USP49: variants seen among roughly 807,000 people sequenced by gnomAD.
USP49 encodes the protein ubiquitin specific peptidase 49.
A neutral mutation model predicts 58.6 loss-of-function variants in USP49; 24 were observed. The ratio of observed to expected loss-of-function variants is 0.41; its 90% CI spans 0.30 to 0.58. The LOEUF (loss-of-function observed/expected upper bound fraction) is 0.58. USP49 is among the 20% of genes least tolerant of loss of function. The probability of loss-of-function intolerance (pLI) is 0.30; values close to 1 mark genes in which losing one functional copy is unlikely to be tolerated. For missense variants in USP49, 703 were observed against 866.1 expected, an observed-to-expected ratio of 0.81 and a Z score of 2.36; for synonymous variants, 408 against 365.1, an observed-to-expected ratio of 1.12 and a Z score of -1.34.
At chr6:41,872,321 A>C (rs574170544) in intron 2 of USP49, among the ~76,000 whole-genome samples, 28 of 152,358 alleles carry the variant, frequency 1.8e-4, no homozygotes, top group Non-Finnish European at 1.9e-4. Context: ...CTAACAGCTA[A>C]CACAGAGTTC....
chr6:41,861,426 G>T (rs1774220880), intron 3 of USP49, among the ~76,000 whole-genome samples: 1 of 152,144 alleles, frequency 6.6e-6, no homozygotes, highest in Non-Finnish European at 1.5e-5. Context: ...CTGGGCGACA[G>T]AGTGAGACTC....
Position 41,805,614 on chromosome 6 carries a change from A to G in USP49, c.1356+14T>C. 1 of 1,599,360 alleles carries G rather than the reference A, an allele frequency of 6.3e-7. No homozygotes were observed. Among genetic ancestry groups the G allele is most frequent in the Non-Finnish European group, 8.5e-7 (1 of 1,169,754 alleles). On this transcript the variant is annotated intron_variant, in intron 4 of 7. Transcript: ENST00000682992. ...CATACAAGCCTCTCATTGTCATGGT[A>G]GGCACACACATACCTGACTGAGCAG...
At chr6:41,856,139 C>G (rs1225471743) in intron 3 of USP49, among the ~76,000 whole-genome samples, 1 of 151,914 alleles carries the variant, frequency 6.6e-6, no homozygotes, top group South Asian at 2.1e-4. Flanking sequence ...TTTGGGAGGC[C>G]TAGGTGGGTG....
At chr6:41,872,512 C>T (rs1774429493) in intron 2 of USP49, among the ~76,000 whole-genome samples, 1 of 152,020 alleles carries the variant, frequency 6.6e-6, no homozygotes, top group African/African-American at 2.4e-5. Context: ...TTTCTGTCCT[C>T]CCCAAGTTTG....
At chr6:41,800,082 T>C (rs920936180) in intron 5 of USP49, 144 bp from the exon 6 acceptor site, 1 of 660,118 alleles carries the variant, frequency 1.5e-6, no homozygotes, top group Non-Finnish European at 2.7e-6. Flanking sequence ...AATGTGACAC[T>C]CTTTATGACT....
intron 3 of USP49, among the ~76,000 whole-genome samples, chr6:41,819,502 T>G (rs186836269): frequency 6.6e-6 from 1 of 152,166 alleles, no homozygotes; most frequent in Non-Finnish European, 1.5e-5. Flanking sequence ...AGTGTATATA[T>G]GTATATATGT....
At position 41,806,301 on chromosome 6, in the gene USP49, G is replaced by A. The variant is rs750131155; in HGVS notation, c.683C>T (p.Ala228Val). The A allele has an allele frequency of 6.3e-7, 1 of 1,585,866 alleles. No individual in the cohort carries two copies. The highest frequency in any genetic ancestry group is 8.5e-7 in the Non-Finnish European group (1 of 1,171,612). ...GGGCACTCTGCGTGAGGTAGGGAGG[G>A]CGGCGGGGCGCGAGGCAGCCGGGCC... ...DAGPAASRPAALPTSRRVPAA... is the reference protein window; with the variant it reads ...DAGPAASRPAVLPTSRRVPAA... The change falls in exon 4 of 8, where the codon GCC becomes GTC. Residue 228 changes from alanine (A) to valine (V), a missense_variant. Coordinates refer to ENST00000682992, the MANE Select transcript of USP49 (RefSeq NM_001286554.2). The surrounding 1 kb of genome is among the most constrained non-coding windows in gnomAD (Gnocchi z 5.9).
chr6:41,815,174 A>T (rs906216623), intron 3 of USP49, among the ~76,000 whole-genome samples: 11 of 152,174 alleles, frequency 7.2e-5, no homozygotes, highest in Non-Finnish European at 1.2e-4. Context: ...TAATCCCAGC[A>T]CTTTGGGAGG....
At chr6:41,840,633 T>G (rs1158958021) in intron 3 of USP49, among the ~76,000 whole-genome samples, 7 of 152,144 alleles carry the variant, frequency 4.6e-5, no homozygotes, top group Non-Finnish European at 7.4e-5. Flanking sequence ...TAATCTGGTC[T>G]TTTTCTAAAC....
intron 3 of USP49, among the ~76,000 whole-genome samples, chr6:41,846,474 A>ATT (rs917052872): frequency 6.6e-6 from 1 of 152,244 alleles, no homozygotes; most frequent in Non-Finnish European, 1.5e-5. Flanking sequence ...GGCCAAATAG[A>ATT]TATTCAGATT....
At chr6:41,838,598 G>A (rs1260612210) in intron 3 of USP49, among the ~76,000 whole-genome samples, 1 of 152,202 alleles carries the variant, frequency 6.6e-6, no homozygotes, top group Non-Finnish European at 1.5e-5. Flanking sequence ...GGATCACTCT[G>A]TGGTATAAAT....
chr6:41,887,041 A>G (rs961282269), intron 2 of USP49, among the ~76,000 whole-genome samples: 2 of 152,248 alleles, frequency 1.3e-5, no homozygotes, highest in Non-Finnish European at 2.9e-5. Flanking sequence ...CACATGGTCC[A>G]TCCAAGTGAG....
chr6:41,832,851 A>C (rs376037249), intron 3 of USP49: 1 of 152,174 alleles, frequency 6.6e-6, no homozygotes, highest in Non-Finnish European at 1.5e-5. Flanking sequence ...AGAATAATTT[A>C]ATTGCATTGC....
intron 3 of USP49, among the ~76,000 whole-genome samples, chr6:41,827,721 TG>T (rs1754836770): frequency 6.6e-6 from 1 of 151,896 alleles, no homozygotes; most frequent in Non-Finnish European, 1.5e-5. Flanking sequence ...GGATACTTTT[TG>T]GTATTTTGAT....
chr6:41,802,417 A>ATTTTATTTTATT (rs1561902517), intron 5 of USP49, among the ~76,000 whole-genome samples: 2 of 97,170 alleles, frequency 2.1e-5, no homozygotes, highest in African/African-American at 7.2e-5. Flanking sequence ...TTTTTATTTT[A>ATTTTATTTTATT]TTTTATTTTA....
At chr6:41,802,444 A>ATTTTTTTTTTTTTTTTT (rs1773025624) in intron 5 of USP49, among the ~76,000 whole-genome samples, 1 of 50,736 alleles carries the variant, frequency 2.0e-5, no homozygotes, top group Non-Finnish European at 3.9e-5. Flanking sequence ...TTATTTATTT[A>ATTTTTTTTTTTTTTTTT]TTTATTTATT....
intron 1 of USP49, among the ~76,000 whole-genome samples, chr6:41,892,104 C>T (rs180940985): frequency 1.6e-4 from 25 of 152,160 alleles, no homozygotes; most frequent in Admixed American, 1.4e-3. Flanking sequence ...TTAGAAATAG[C>T]GACTGAGAAA....
At chr6:41,804,909 C>A (rs754799923) in intron 4 of USP49, among the ~76,000 whole-genome samples, 1 of 152,126 alleles carries the variant, frequency 6.6e-6, no homozygotes, top group Non-Finnish European at 1.5e-5. Context: ...CCACCACGCC[C>A]GGCTAATTTT....
intron 3 of USP49, among the ~76,000 whole-genome samples, chr6:41,835,709 AAAAAAAAAACAG>A (rs1219252701): frequency 3.4e-5 from 5 of 145,998 alleles, no homozygotes; most frequent in African/African-American, 9.9e-5. Context: ...TGAGACTCTA[AAAAAAAAAACAG>A]AAAAAAAAAC....
Sources: gnomAD v4.1 joint callset for allele counts (sites outside exome capture counted in the v4.1 genomes callset) on GRCh38, gnomAD v4.1.1 for gene constraint, Gnocchi (gnomAD v3.1) non-coding constraint, MANE v1.5 for transcripts, NCBI Gene and HGNC (gene_info 2026-07-23, HGNC 2026-07-21) for gene names.